The following CLEC16A variants were observed in gnomAD, a reference collection of about 807,000 sequenced individuals.
CLEC16A encodes the protein C-type lectin domain containing 16A, also known as protein CLEC16A.
CLEC16A carries 51 observed loss-of-function variants against 109.5 expected under a neutral mutation model. The ratio of observed to expected loss-of-function variants is 0.47; its 90% confidence interval spans 0.37 to 0.59. CLEC16A has a LOEUF of 0.59. CLEC16A is among the 20% of genes least tolerant of loss of function. The pLI is 0.00. For synonymous variants in CLEC16A, 673 were observed against 564.2 expected, an observed-to-expected ratio of 1.19 and a Z score of -2.73; for missense variants, 1,339 against 1,394.0, an observed-to-expected ratio of 0.96 and a Z score of 0.63.
intron 19 of CLEC16A, among the ~76,000 whole-genome samples, chr16:11,073,208 C>A (rs1376797774): frequency 6.6e-6 from 1 of 152,166 alleles, no homozygotes; most frequent in Non-Finnish European, 1.5e-5. Flanking sequence ...TCTCTGCCCC[C>A]ACCCCCGGGG....
chr16:11,011,397 G>T (rs1202649620), intron 11 of CLEC16A, among the ~76,000 whole-genome samples: 3 of 152,042 alleles, frequency 2.0e-5, no homozygotes, highest in Admixed American at 2.0e-4. Flanking sequence ...GGTTTATAGT[G>T]CATTACTGTA....
chr16:10,984,154 A>G (rs1213644975), intron 10 of CLEC16A, among the ~76,000 whole-genome samples: 2 of 152,106 alleles, frequency 1.3e-5, no homozygotes, highest in African/African-American at 4.8e-5. Context: ...ACCTACATGA[A>G]TGGGTGGAAT....
chr16:11,119,656 T>A (rs2052256791), intron 19 of CLEC16A, among the ~76,000 whole-genome samples: 1 of 152,128 alleles, frequency 6.6e-6, no homozygotes. Context: ...ACTCCCAAAG[T>A]GCTGGAATTA....
intron 3 of CLEC16A, among the ~76,000 whole-genome samples, chr16:10,966,131 C>T (rs1007814196): frequency 1.3e-5 from 2 of 152,174 alleles, no homozygotes; most frequent in East Asian, 3.8e-4. Context: ...TGACACGATA[C>T]CCATGTTAGA....
chr16:11,175,659 A>G (rs1463593922), intron 23 of CLEC16A, among the ~76,000 whole-genome samples: 3 of 152,196 alleles, frequency 2.0e-5, no homozygotes, highest in Non-Finnish European at 4.4e-5. Flanking sequence ...TTTTTTCCCT[A>G]TTTAAAAAGA....
intron 10 of CLEC16A, among the ~76,000 whole-genome samples, chr16:10,983,335 G>A (rs1260903243): frequency 1.3e-5 from 2 of 152,230 alleles, no homozygotes; most frequent in Admixed American, 1.3e-4. Context: ...GAACATCCAT[G>A]AATGACTCAG....
intron 18 of CLEC16A, among the ~76,000 whole-genome samples, chr16:11,060,392 C>A (rs2048416482): frequency 6.6e-6 from 1 of 152,244 alleles, no homozygotes; most frequent in Admixed American, 6.5e-5. Context: ...ATTTCACCCT[C>A]TTCTGTCTGC....
At chr16:10,970,735 C>T (rs1032230391) in intron 4 of CLEC16A, among the ~76,000 whole-genome samples, 12 of 152,216 alleles carry the variant, frequency 7.9e-5, no homozygotes, top group African/African-American at 2.9e-4. Context: ...ACTACCACTA[C>T]TACTGCTCTT....
At chr16:11,051,968 G>A (rs532736297) in intron 18 of CLEC16A, among the ~76,000 whole-genome samples, 5 of 152,286 alleles carry the variant, frequency 3.3e-5, no homozygotes, top group South Asian at 2.1e-4. Context: ...GGGTGAGCAC[G>A]GTACATCCAG....
chr16:11,058,110 AC>A (rs770833083), intron 18 of CLEC16A, among the ~76,000 whole-genome samples: 1 of 151,866 alleles, frequency 6.6e-6, no homozygotes, highest in Non-Finnish European at 1.5e-5. Flanking sequence ...TAACCCCCCT[AC>A]CCCCATGGGA....
chr16:11,002,721 C>G (rs2152751492), intron 10 of CLEC16A, among the ~76,000 whole-genome samples: 1 of 152,260 alleles, frequency 6.6e-6, no homozygotes, highest in Admixed American at 6.5e-5. Flanking sequence ...TGTTATTTAG[C>G]TCCTGCTTAT....
At chr16:11,123,470 C>A (rs570069678) in intron 20 of CLEC16A, among the ~76,000 whole-genome samples, 1 of 152,248 alleles carries the variant, frequency 6.6e-6, no homozygotes, top group Non-Finnish European at 1.5e-5. Context: ...TGAGCTGACC[C>A]CAGTCCTCAT....
At chr16:11,041,173 C>T (rs2047314644) in intron 14 of CLEC16A, 1 of 152,236 alleles carries the variant, frequency 6.6e-6, no homozygotes, top group Non-Finnish European at 1.5e-5. Context: ...AGACCTAGGA[C>T]AAGTCACTTC....
chr16:11,031,504 T>G (rs1050498921), intron 13 of CLEC16A, among the ~76,000 whole-genome samples: 3 of 152,256 alleles, frequency 2.0e-5, no homozygotes, highest in African/African-American at 7.2e-5. Flanking sequence ...TGGGAATTTC[T>G]TCTTGGAAGA....
chr16:11,166,339 C>T (rs1040897397), intron 22 of CLEC16A, 49 bp from the exon 23 acceptor site: 3 of 1,538,358 alleles, frequency 2.0e-6, no homozygotes, highest in Admixed American at 1.8e-5. Context: ...TTGAGGCCCT[C>T]AGGCCTACTC....
At chr16:11,149,966 C>G (rs1032356072) in intron 22 of CLEC16A, 6 of 152,196 alleles carry the variant, frequency 3.9e-5, no homozygotes, top group African/African-American at 1.4e-4. Context: ...CTCTGCAATT[C>G]TGAAACCCAA....
chr16:11,140,247 A>C (rs1409086272), intron 22 of CLEC16A, among the ~76,000 whole-genome samples: 2 of 152,126 alleles, frequency 1.3e-5, no homozygotes, highest in Non-Finnish European at 2.9e-5. Context: ...GGTTCCAGGC[A>C]CACTCCAGCC....
intron 10 of CLEC16A, among the ~76,000 whole-genome samples, chr16:11,001,338 G>A (rs756884501): frequency 2.0e-5 from 3 of 152,130 alleles, no homozygotes; most frequent in Non-Finnish European, 2.9e-5. Context: ...CTCCCAGCTT[G>A]GTCTCCCAAA....
chr16:10,980,712 G>A (rs149801819), intron 9 of CLEC16A, among the ~76,000 whole-genome samples: 42 of 152,170 alleles, frequency 2.8e-4, no homozygotes, highest in Admixed American at 8.5e-4. Context: ...GTAATTCATT[G>A]TTCCTCAAAC....
Sources: gnomAD v4.1 joint callset for allele counts (sites outside exome capture counted in the v4.1 genomes callset) on GRCh38, gnomAD v4.1.1 for gene constraint, MANE v1.5 for transcripts, NCBI Gene and HGNC (gene_info 2026-07-23, HGNC 2026-07-21) for gene names.